PSMF1: variants seen among roughly 807,000 people sequenced by gnomAD.
PSMF1 encodes proteasome inhibitor subunit 1, also known as proteasome inhibitor PI31 subunit.
PSMF1 carries 30 observed loss-of-function variants against 29.3 expected under a neutral mutation model. That is an observed-to-expected ratio of 1.02 (90% CI 0.77 to 1.39). The LOEUF is 1.39. Ranked by LOEUF, PSMF1 falls within the 40% of genes most tolerant of loss-of-function variation. PSMF1 has a pLI of 0.00. For synonymous variants in PSMF1, 134 were observed against 139.7 expected (o/e 0.96, Z 0.29); for missense variants, 344 against 357.5 (o/e 0.96, Z 0.31).
chr20:1,158,864 A>T (rs2086628548), intron 4 of PSMF1, among the ~76,000 whole-genome samples: 1 of 152,114 alleles, frequency 6.6e-6, no homozygotes, highest in African/African-American at 2.4e-5. Flanking sequence ...AGAAGGACGG[A>T]ACCCCCTCCC....
intron 3 of PSMF1, among the ~76,000 whole-genome samples, chr20:1,133,401 T>A (rs2086255965): frequency 6.6e-6 from 1 of 150,834 alleles, no homozygotes; most frequent in Admixed American, 6.6e-5. Context: ...CGTTGATTGA[T>A]TTGTGACTAT....
intron 4 of PSMF1, among the ~76,000 whole-genome samples, chr20:1,148,741 A>G (rs2086488000): frequency 6.6e-6 from 1 of 152,124 alleles, no homozygotes; most frequent in Non-Finnish European, 1.5e-5. Context: ...AGCTATGAAC[A>G]TCCCTGTGTA....
chr20:1,124,769 A>C (rs1271102281), intron 1 of PSMF1, among the ~76,000 whole-genome samples: 1 of 152,274 alleles, frequency 6.6e-6, no homozygotes, highest in Non-Finnish European at 1.5e-5. Context: ...CAAATAAAAA[A>C]GGCAAATGAC....
intron 2 of PSMF1, among the ~76,000 whole-genome samples, chr20:1,126,236 T>A (rs1600142987): frequency 6.6e-6 from 1 of 152,388 alleles, no homozygotes; most frequent in East Asian, 1.9e-4. Flanking sequence ...ATTTGTGCTT[T>A]GCTTTTATTC....
chr20:1,161,097 C>CA (rs2086661710), intron 4 of PSMF1: 2 of 470,740 alleles, frequency 4.2e-6, no homozygotes, highest in Admixed American at 6.6e-5. Context: ...CTCCCCACGC[C>CA]ATCCTGCGTC....
At chr20:1,118,388 T>G, upstream of PSMF1, 4 of 185,996 alleles carry the variant, frequency 2.2e-5, no homozygotes, top group Non-Finnish European at 2.3e-5. Context: ...GCATACCCCA[T>G]TTTGTGGATG....
At chr20:1,119,743 C>T (rs1176420961) in intron 1 of PSMF1, among the ~76,000 whole-genome samples, 1 of 152,158 alleles carries the variant, frequency 6.6e-6, no homozygotes, top group African/African-American at 2.4e-5. Context: ...TGTCTCTTCC[C>T]TGTGACCCTC....
chr20:1,165,838 AAACAG>A lies in PSMF1; in HGVS notation c.*760_*764del. The A allele has an allele frequency of 9.1e-7, 1 of 1,096,198 alleles. No homozygotes were observed. The highest frequency in any genetic ancestry group is 1.6e-5 in the African/African-American group (1 of 62,330). The allele number at this position is 1,096,198 out of a possible 1,614,324, so 67.9% of individuals were successfully genotyped here. On this transcript the variant is annotated 3_prime_UTR_variant, in exon 7 of 7. Coordinates refer to ENST00000335877, the MANE Select transcript of PSMF1 (RefSeq NM_006814.5). Reference sequence around the variant, plus strand: ...AGCAGTAGTCAAAAAGCCAAGGAAAAAACAGAGCAGACCTGAAGGCTAATCTTATT... The same window carrying A: ...AGCAGTAGTCAAAAAGCCAAGGAAAAAGCAGACCTGAAGGCTAATCTTATT...
At chr20:1,156,094 T>TGG (rs1407562915) in intron 4 of PSMF1, among the ~76,000 whole-genome samples, 1 of 152,184 alleles carries the variant, frequency 6.6e-6, no homozygotes. Flanking sequence ...AAGAACCAAA[T>TGG]GGAGATTTTA....
intron 4 of PSMF1, among the ~76,000 whole-genome samples, chr20:1,147,940 A>G (rs755401814): frequency 1.3e-5 from 2 of 152,160 alleles, no homozygotes; most frequent in African/African-American, 2.4e-5. Context: ...TAATTATCCC[A>G]TCACTGAACA....
At position 1,163,819 on chromosome 20, in the gene PSMF1, G is replaced by A. The variant is rs1320416014; in HGVS notation, c.606-499G>A. ...CTCCATGAGGGACAGATGCTGTCAG[G>A]AGCCACACTTAGGCAATCTACAGGC... On this transcript the variant is annotated intron_variant, in intron 5 of 6. Coordinates refer to ENST00000335877, the MANE Select transcript of PSMF1 (RefSeq NM_006814.5). This position sits in a 1 kb window ranked among gnomAD's most constrained non-coding sequence, Gnocchi z 6.1. Among the ~76,000 whole-genome samples the A allele has an allele frequency of 6.6e-6, 1 of 152,160 alleles. No individual in the cohort carries two copies. Among genetic ancestry groups the A allele is most frequent in the Non-Finnish European group, 1.5e-5 (1 of 68,038 alleles).
At position 1,135,418 on chromosome 20, in the gene PSMF1, A is replaced by G. The variant is rs74543619; in HGVS notation, c.551+112A>G. 0.075 allele frequency: 86,781 copies of G among 1,163,842 alleles called. 4,105 individuals are homozygous for G. The highest frequency in any genetic ancestry group is 0.19 in the Admixed American group (6,811 of 36,024). The allele number at this position is 1,163,842 out of a possible 1,614,324, so 72.1% of individuals were successfully genotyped here. On this transcript the variant is annotated intron_variant, in intron 4 of 6. Transcript: ENST00000335877. The stretch of plus-strand genomic sequence containing the variant: ...CTGGCCCGTATGTGTTTTCAACAAA[A>G]TGATCAGTGTCTTGGGGTGCATGGA...
chr20:1,152,007 C>T (rs1389927466), intron 4 of PSMF1, among the ~76,000 whole-genome samples: 3 of 152,040 alleles, frequency 2.0e-5, no homozygotes, highest in African/African-American at 4.8e-5. Context: ...GGATTTGATC[C>T]ATGGGGTGAT....
At chr20:1,149,151 C>A (rs1402373709) in intron 4 of PSMF1, among the ~76,000 whole-genome samples, 2 of 152,172 alleles carry the variant, frequency 1.3e-5, no homozygotes, top group Non-Finnish European at 2.9e-5. Flanking sequence ...TTCATTGAAG[C>A]CTTTCACATA....
chr20:1,153,003 AT>A (rs1234939998), intron 4 of PSMF1, among the ~76,000 whole-genome samples: 3 of 152,212 alleles, frequency 2.0e-5, no homozygotes, highest in Non-Finnish European at 4.4e-5. Context: ...TTTGATACAG[AT>A]TGCTCAGTTG....
intron 4 of PSMF1, among the ~76,000 whole-genome samples, 192 bp from the exon 5 acceptor site, chr20:1,162,938 T>G (rs2086684670): frequency 6.6e-6 from 1 of 152,340 alleles, no homozygotes; most frequent in African/African-American, 2.4e-5. Flanking sequence ...TAGGTTTGTG[T>G]TCCGCCCTTC....
At chr20:1,138,826 AAAAC>A (rs917536400) in intron 4 of PSMF1, among the ~76,000 whole-genome samples, 5 of 122,786 alleles carry the variant, frequency 4.1e-5, no homozygotes, top group African/African-American at 1.3e-4. Flanking sequence ...CCCTGTCTCA[AAAAC>A]AAACAAAAAA....
At position 1,118,618 on chromosome 20, in the gene PSMF1, C is replaced by G. The variant is rs1378946818; in HGVS notation, c.-156C>G. The G allele has an allele frequency of 5.5e-6, 5 of 906,580 alleles. No homozygotes were observed. In the East Asian group the frequency reaches 1.4e-4, roughly 26 times the overall value. The allele number at this position is 906,580 out of a possible 1,614,324, so 56.2% of individuals were successfully genotyped here. A position where few individuals can be genotyped will look rare whatever the true frequency, so the allele number is the denominator to read the frequency against. Reference sequence around the variant, plus strand: ...ACTACTTCCGGCTTCCCCGCCCCGCCCCGTCCCCGGGCGTCTCCATTTTGG... The same window carrying G: ...ACTACTTCCGGCTTCCCCGCCCCGCGCCGTCCCCGGGCGTCTCCATTTTGG... On this transcript the variant is annotated 5_prime_UTR_variant, in exon 1 of 7. Coordinates refer to ENST00000335877, the MANE Select transcript of PSMF1 (RefSeq NM_006814.5).
chr20:1,136,813 T>C (rs1297567015), intron 4 of PSMF1, among the ~76,000 whole-genome samples: 4 of 152,262 alleles, frequency 2.6e-5, no homozygotes. Context: ...TTTGAAATGG[T>C]AAACAGCTGT....
Sources: allele counts gnomAD v4.1 joint callset (sites outside exome capture counted in the v4.1 genomes callset), GRCh38; gene constraint gnomAD v4.1.1; non-coding constraint Gnocchi (gnomAD v3.1); transcripts MANE v1.5; gene names NCBI Gene and HGNC (gene_info 2026-07-23, HGNC 2026-07-21).